Variants in CGNL1 observed in about 807,000 individuals in gnomAD.
CGNL1 encodes cingulin-like protein 1.
A neutral mutation model predicts 141.2 loss-of-function variants in CGNL1; 132 were observed. The ratio of observed to expected loss-of-function variants is 0.93; its 90% CI spans 0.81 to 1.08. CGNL1 has a LOEUF of 1.08. CGNL1 is among the 50% of genes least tolerant of loss of function. The pLI is 0.00. For missense variants in CGNL1, 1,870 were observed against 1,588.6 expected, an observed-to-expected ratio of 1.18 and a Z score of -3.01; for synonymous variants, 690 against 622.1, an observed-to-expected ratio of 1.11 and a Z score of -1.63.
At chr15:57,525,031 G>C (rs1365836768) in intron 12 of CGNL1, among the ~76,000 whole-genome samples, 1 of 152,180 alleles carries the variant, frequency 6.6e-6, no homozygotes, top group Non-Finnish European at 1.5e-5. Context: ...CATTTATGGA[G>C]CAGCCATGAT....
At chr15:57,528,134 G>A (rs1457223779) in intron 12 of CGNL1, among the ~76,000 whole-genome samples, 2 of 152,060 alleles carry the variant, frequency 1.3e-5, no homozygotes, top group Admixed American at 1.3e-4. Context: ...GCATGCACCT[G>A]TAATCCCAGC....
intron 8 of CGNL1, among the ~76,000 whole-genome samples, chr15:57,509,052 G>A (rs1841367181): frequency 6.6e-6 from 1 of 152,090 alleles, no homozygotes; most frequent in African/African-American, 2.4e-5. Context: ...ACAATATGGG[G>A]GACTTGCTTT....
intron 1 of CGNL1, among the ~76,000 whole-genome samples, chr15:57,413,568 G>A (rs1270198653): frequency 2.0e-5 from 3 of 152,250 alleles, no homozygotes; most frequent in Non-Finnish European, 4.4e-5. Flanking sequence ...TTATAGGCAT[G>A]AGCCACCATG....
intron 8 of CGNL1, among the ~76,000 whole-genome samples, chr15:57,482,097 A>C (rs2063733531): frequency 6.6e-6 from 1 of 150,510 alleles, no homozygotes; most frequent in South Asian, 2.1e-4. Flanking sequence ...CCATTTCCTA[A>C]TTGGATTGTT....
intron 8 of CGNL1, among the ~76,000 whole-genome samples, chr15:57,481,100 G>A (rs374164544): frequency 1.1e-4 from 13 of 122,802 alleles, no homozygotes; most frequent in East Asian, 2.5e-4. Flanking sequence ...GATGGGCAAA[G>A]TTTAAAAAAG....
At chr15:57,414,502 G>T (rs2062827033) in intron 1 of CGNL1, among the ~76,000 whole-genome samples, 1 of 152,162 alleles carries the variant, frequency 6.6e-6, no homozygotes, top group South Asian at 2.1e-4. Flanking sequence ...TTTTGAGATA[G>T]CTGTGTGGAG....
chr15:57,468,289 G>A, intron 8 of CGNL1, among the ~76,000 whole-genome samples: 1 of 132,408 alleles, frequency 7.6e-6, no homozygotes, highest in South Asian at 2.4e-4. Context: ...CACCTAGGCT[G>A]GAGTGCAGTG....
intron 7 of CGNL1, 87 bp from the exon 8 acceptor site, chr15:57,461,593 C>A: frequency 1.8e-6 from 2 of 1,097,710 alleles, no homozygotes; most frequent in Non-Finnish European, 1.4e-6. Flanking sequence ...TGGCTGTGCA[C>A]ATGGGGACTG....
chr15:57,546,027 G>A, intron 17 of CGNL1, 49 bp from the exon 18 acceptor site: 1 of 1,580,616 alleles, frequency 6.3e-7, no homozygotes, highest in Non-Finnish European at 8.6e-7. Context: ...GCTGAGCGCT[G>A]GGGCTGGGCC....
chr15:57,466,016 T>C (rs1052373281), intron 8 of CGNL1, among the ~76,000 whole-genome samples: 3 of 152,252 alleles, frequency 2.0e-5, no homozygotes, highest in African/African-American at 7.2e-5. Context: ...GCCTATGTTA[T>C]GTGGGGTTTC....
rs78108739 is a variant in CGNL1 at position 57,489,292 on chromosome 15, C to T, written c.2403+27400C>T. ...CATGTAGGAAAGATGAGTTGTTGTT[C>T]CTGAGAAATAATCAAGAGCATACCT... On this transcript the variant is annotated intron_variant, in intron 8 of 18. Coordinates refer to ENST00000281282, the MANE Select transcript of CGNL1 (RefSeq NM_032866.5). Among the ~76,000 whole-genome samples, 618 of 152,174 alleles carry T rather than the reference C, an allele frequency of 4.1e-3. 3 individuals carry two copies. Among genetic ancestry groups the T allele is most frequent in the African/African-American group, 0.014 (600 of 41,510 alleles).
intron 1 of CGNL1, among the ~76,000 whole-genome samples, chr15:57,383,595 C>CCGTTT (rs2062448975): frequency 7.4e-5 from 8 of 107,692 alleles, no homozygotes; most frequent in Middle Eastern, 9.8e-3. Context: ...ACCACATCTG[C>CCGTTT]CTTTTCTTTT....
At chr15:57,479,035 C>T (rs1342741881) in intron 8 of CGNL1, among the ~76,000 whole-genome samples, 2 of 152,204 alleles carry the variant, frequency 1.3e-5, no homozygotes, top group Admixed American at 1.3e-4. Flanking sequence ...AGCTGCAAAG[C>T]ACTGCAGAAG....
chr15:57,531,490 T>G (rs568864124), intron 13 of CGNL1, among the ~76,000 whole-genome samples, 200 bp from the exon 14 acceptor site: 20 of 152,352 alleles, frequency 1.3e-4, no homozygotes, highest in African/African-American at 4.6e-4. Flanking sequence ...ATGTTACACA[T>G]TTTACATTAC....
chr15:57,401,834 A>T (rs2062663760), intron 1 of CGNL1, among the ~76,000 whole-genome samples: 1 of 152,154 alleles, frequency 6.6e-6, no homozygotes, highest in Non-Finnish European at 1.5e-5. Context: ...TGCCATGCCA[A>T]AAGACAGTAT....
chr15:57,464,957 G>A (rs28694402), intron 8 of CGNL1, among the ~76,000 whole-genome samples: 28,554 of 151,740 alleles, frequency 0.19, 2,817 homozygotes, highest in Non-Finnish European at 0.2. Context: ...TCGTCGTGTT[G>A]ACCAGGCTGG....
chr15:57,440,431 G>C lies in CGNL1; in HGVS notation c.1657G>C (p.Glu553Gln), dbSNP rs2063172399. The change falls in exon 3 of 19, where the codon GAG (glutamate) becomes CAG (glutamine). Residue 553 changes from glutamate (E) to glutamine (Q), a missense_variant. Physicochemically the swap from Glu to Gln is conservative, Grantham distance 29. Transcript: ENST00000281282. The stretch of plus-strand genomic sequence containing the variant: ...AGAGCTCACTCAGCAAACCAATGAG[G>C]AGACAGCTAAGCAGATTCTCTACAA... Reference protein sequence around the residue: ...QQELTQQTNEETAKQILYNYL... With the variant: ...QQELTQQTNEQTAKQILYNYL... 1 of 1,601,618 alleles carries C rather than the reference G, an allele frequency of 6.2e-7. No homozygotes were observed. Among genetic ancestry groups the C allele is most frequent in the Admixed American group, 1.7e-5 (1 of 58,770 alleles).
intron 8 of CGNL1, chr15:57,477,454 G>A (rs910751735): frequency 3.3e-5 from 5 of 152,280 alleles, no homozygotes; most frequent in South Asian, 4.1e-4. Flanking sequence ...TTGGAAAATA[G>A]GCAGTGAGGT....
At chr15:57,434,191 A>C (rs1425158084) in intron 1 of CGNL1, among the ~76,000 whole-genome samples, 1 of 152,242 alleles carries the variant, frequency 6.6e-6, no homozygotes, top group Non-Finnish European at 1.5e-5. Context: ...AAGTTATTTC[A>C]TATCCAAAAT....
Sources: allele counts gnomAD v4.1 joint callset (sites outside exome capture counted in the v4.1 genomes callset), GRCh38; gene constraint gnomAD v4.1.1; transcripts MANE v1.5; gene names NCBI Gene and HGNC (gene_info 2026-07-23, HGNC 2026-07-21).